CDK5RAP1: variants seen among roughly 807,000 people sequenced by gnomAD.
CDK5RAP1 encodes the protein mitochondrial tRNA methylthiotransferase CDK5RAP1.
Under a neutral mutation model 64.5 loss-of-function variants are expected in CDK5RAP1, and 62 were observed. The observed-to-expected ratio is 0.96, with a 90% CI of 0.78 to 1.19. The LOEUF is 1.19. CDK5RAP1 is among the 50% of genes most tolerant of loss of function. The pLI, the probability that CDK5RAP1 is intolerant of heterozygous loss-of-function variation, is 0.00. For missense variants in CDK5RAP1, 657 were observed against 735.0 expected, an observed-to-expected ratio of 0.89 and a Z score of 1.23; for synonymous variants, 250 against 261.9, an observed-to-expected ratio of 0.95 and a Z score of 0.44.
At chr20:33,388,943 T>C (rs1380143106) in intron 5 of CDK5RAP1, among the ~76,000 whole-genome samples, 7 of 152,182 alleles carry the variant, frequency 4.6e-5, no homozygotes, top group African/African-American at 1.7e-4. Context: ...GTTGCCAGGC[T>C]GGAGTGCAGT....
intron 8 of CDK5RAP1, among the ~76,000 whole-genome samples, chr20:33,375,114 T>G (rs1171934986): frequency 6.7e-6 from 1 of 150,154 alleles, no homozygotes; most frequent in African/African-American, 2.5e-5. Flanking sequence ...CAAGAATACA[T>G]AAAGAGGCTG....
chr20:33,392,941 G>A (rs376436922), intron 4 of CDK5RAP1, among the ~76,000 whole-genome samples: 4 of 150,710 alleles, frequency 2.7e-5, no homozygotes, highest in East Asian at 3.9e-4. Context: ...GTGCAACAGC[G>A]CGATCTCGGC....
At position 33,396,752 on chromosome 20, in the gene CDK5RAP1, A is replaced by G. The variant is rs1456472051; in HGVS notation, c.304+9T>C. ...GGAAGCCCAAAGGGATAAGCGAAGT[A>G]AAACCAACCTTTTCTCTGCCTTCCA... On this transcript the variant is annotated intron_variant, in intron 2 of 13. Coordinates refer to ENST00000346416, the MANE Select transcript of CDK5RAP1 (RefSeq NM_016408.4). 3 of 1,607,488 alleles carry G rather than the reference A, an allele frequency of 1.9e-6. No homozygotes were observed. The highest frequency in any genetic ancestry group is 1.3e-5 in the African/African-American group (1 of 74,706).
intron 8 of CDK5RAP1, among the ~76,000 whole-genome samples, chr20:33,377,421 G>A (rs943556454): frequency 2.0e-5 from 3 of 152,182 alleles, no homozygotes; most frequent in African/African-American, 4.8e-5. Flanking sequence ...TGATGTTAGA[G>A]AGATGGCTTC....
chr20:33,385,914 A>G (rs772401783), intron 6 of CDK5RAP1, 144 bp from the exon 7 acceptor site: 1 of 709,256 alleles, frequency 1.4e-6, no homozygotes, highest in East Asian at 2.7e-5. Context: ...CTGAGATCTA[A>G]GCACTAAAGT....
At chr20:33,381,809 C>T (rs1246911452) in intron 7 of CDK5RAP1, among the ~76,000 whole-genome samples, 1 of 152,120 alleles carries the variant, frequency 6.6e-6, no homozygotes, top group African/African-American at 2.4e-5. Flanking sequence ...TGTCATAACT[C>T]CAGTCTCCAT....
Position 33,379,502 on chromosome 20 carries a change from T to A in CDK5RAP1, c.1066A>T (p.Ile356Phe). ...QVSRVDPEMRIRFTSPHPKDF... is the reference protein window; with the variant it reads ...QVSRVDPEMRFRFTSPHPKDF... ...TTGGGGTGGGGAGAGGTAAAACGGATCCTCATTTCAGGATCTACTCTGGAG... is the reference window on the plus strand; with the variant it reads ...TTGGGGTGGGGAGAGGTAAAACGGAACCTCATTTCAGGATCTACTCTGGAG... The change falls in exon 8 of 14, where the codon ATC becomes TTC. Residue 356 changes from isoleucine (I) to phenylalanine (F), a missense_variant. By Grantham distance (21) the Ile-to-Phe change is conservative. Transcript: ENST00000346416. 6.2e-7 allele frequency: 1 copy of A among 1,614,030 alleles called. No individual in the cohort carries two copies. The highest frequency in any genetic ancestry group is 1.3e-5 in the African/African-American group (1 of 75,024).
At chr20:33,398,831 T>C (rs777347375) in intron 1 of CDK5RAP1, among the ~76,000 whole-genome samples, 1 of 151,788 alleles carries the variant, frequency 6.6e-6, no homozygotes, top group Non-Finnish European at 1.5e-5. Context: ...GAGGTTGAGA[T>C]GAAAGGATTG....
intron 12 of CDK5RAP1, among the ~76,000 whole-genome samples, chr20:33,364,412 C>G (rs1017974208): frequency 6.6e-6 from 1 of 151,826 alleles, no homozygotes; most frequent in Non-Finnish European, 1.5e-5. Flanking sequence ...TGGTCCTGAA[C>G]TCCTGACCTC....
intron 9 of CDK5RAP1, chr20:33,373,907 G>A (rs1203445297): frequency 2.2e-5 from 12 of 558,058 alleles, no homozygotes; most frequent in Non-Finnish European, 3.8e-5. Flanking sequence ...AAACTAAACA[G>A]TGAAAATGGG....
rs1207701442 is a variant in CDK5RAP1 at position 33,361,900 on chromosome 20, G to T, written c.1543-1409C>A. 2.1e-5 allele frequency among the ~76,000 whole-genome samples: 3 copies of T among 144,810 alleles called. No homozygotes were observed. The Admixed American group carries it at 2.2e-4, about 10-fold the overall frequency. Reference sequence around the variant, plus strand: ...AAACCTGGGAGGCAGAGGTTGCAGTGAGCCGAGATCACGCCACTGCACTCC... The same window carrying T: ...AAACCTGGGAGGCAGAGGTTGCAGTTAGCCGAGATCACGCCACTGCACTCC... On this transcript the variant is annotated intron_variant, in intron 12 of 13. Transcript: ENST00000346416.
chr20:33,390,814 G>C (rs115599676), intron 5 of CDK5RAP1, among the ~76,000 whole-genome samples: 1 of 152,070 alleles, frequency 6.6e-6, no homozygotes, highest in Non-Finnish European at 1.5e-5. Context: ...TGGACCCATC[G>C]TTAGGAGAGA....
intron 7 of CDK5RAP1, 111 bp downstream of exon 7, chr20:33,385,539 C>T: frequency 7.9e-7 from 1 of 1,271,926 alleles, no homozygotes; most frequent in Non-Finnish European, 1.1e-6. Flanking sequence ...TCTGGCCAGG[C>T]ATGGTCCTAA....
intron 1 of CDK5RAP1, among the ~76,000 whole-genome samples, chr20:33,400,436 A>G (rs1252415482): frequency 6.6e-6 from 1 of 152,210 alleles, no homozygotes. Flanking sequence ...TTGCTGTGTG[A>G]CCTTTGGCAA....
At chr20:33,399,757 G>A (rs1383985076) in intron 1 of CDK5RAP1, among the ~76,000 whole-genome samples, 2 of 152,196 alleles carry the variant, frequency 1.3e-5, no homozygotes, top group Non-Finnish European at 2.9e-5. Context: ...CCAGTGCGGT[G>A]GCTGACATCT....
intron 3 of CDK5RAP1, 87 bp from the exon 4 acceptor site, chr20:33,394,153 A>ATT: frequency 4.5e-6 from 4 of 894,178 alleles, no homozygotes; most frequent in African/African-American, 1.7e-5. Context: ...GCTCTTTATT[A>ATT]TTTTTTTTTC....
At position 33,392,137 on chromosome 20, in the gene CDK5RAP1, G is replaced by C. The variant is rs1175805201; in HGVS notation, c.544+5C>G. ...AGCTGACAAAATGTGCAAATTACCA[G>C]ATACCTAGAATTCCAATCCTCAGAG... On this transcript the variant is annotated splice_donor_5th_base_variant and intron_variant, in intron 5 of 13. Transcript: ENST00000346416. 17 of 1,577,666 alleles carry C rather than the reference G, an allele frequency of 1.1e-5. No homozygotes were observed. The highest frequency in any genetic ancestry group is 1.4e-5 in the Non-Finnish European group (16 of 1,150,638).
chr20:33,393,328 AC>A (rs1988540818), intron 4 of CDK5RAP1, among the ~76,000 whole-genome samples: 2 of 152,178 alleles, frequency 1.3e-5, no homozygotes, highest in Middle Eastern at 6.8e-3. Context: ...GGTGTGACCT[AC>A]TACACCCAGC....
At chr20:33,367,964 C>G (rs1411626653) in intron 11 of CDK5RAP1, among the ~76,000 whole-genome samples, 1 of 152,212 alleles carries the variant, frequency 6.6e-6, no homozygotes, top group Non-Finnish European at 1.5e-5. Context: ...TTACTCCATT[C>G]TGTCTTACTA....
Sources: allele counts gnomAD v4.1 joint callset (sites outside exome capture counted in the v4.1 genomes callset), GRCh38; gene constraint gnomAD v4.1.1; transcripts MANE v1.5; gene names NCBI Gene and HGNC (gene_info 2026-07-23, HGNC 2026-07-21).